The following ITGA6 variants were observed in gnomAD, a reference collection of about 807,000 sequenced individuals.
ITGA6 encodes integrin alpha-6.
In ITGA6, 63 loss-of-function variants were observed where a neutral mutation model predicts 133.6. The ratio of observed to expected loss-of-function variants is 0.47; its 90% CI spans 0.38 to 0.58. The LOEUF (loss-of-function observed/expected upper bound fraction) is 0.58, where lower values mean the gene tolerates loss of function less well. Among genes scored for constraint, ITGA6 ranks in the 20% least tolerant of loss-of-function variants. The pLI is 0.00. For missense variants in ITGA6, 1,068 were observed against 1,309.4 expected (o/e 0.82, Z 2.85); for synonymous variants, 434 against 482.0 (o/e 0.90, Z 1.30).
At chr2:172,468,855 C>A in intron 3 of ITGA6, 1 of 393,084 alleles carries the variant, frequency 2.5e-6, no homozygotes, top group South Asian at 3.1e-5. Context: ...AAATAAATTG[C>A]CTATGGATAC....
Position 172,504,609 on chromosome 2 carries a change from T to C in ITGA6, c.*541T>C. 1 of 176,256 alleles carries C rather than the reference T, an allele frequency of 5.7e-6. No homozygotes were observed. The highest frequency in any genetic ancestry group is 1.2e-5 in the Non-Finnish European group (1 of 82,688). The allele number at this position is 176,256 out of a possible 1,614,324, so 10.9% of individuals were successfully genotyped here. ...AGCTGAGGAGGCACCTACACTCACC[T>C]GCACTAACAGAGTGGCCGTCCTAAC... On this transcript the variant is annotated 3_prime_UTR_variant, in exon 26 of 26. Transcript: ENST00000684293.
At chr2:172,436,171 G>A (rs1004491601) in intron 1 of ITGA6, among the ~76,000 whole-genome samples, 1 of 152,178 alleles carries the variant, frequency 6.6e-6, no homozygotes, top group African/African-American at 2.4e-5. Context: ...AGAGAGATGG[G>A]TCTGGGCACT....
Position 172,487,609 on chromosome 2 carries a change from T to C in ITGA6, c.2223T>C (p.Asn741=). 6.2e-7 allele frequency: 1 copy of C among 1,614,152 alleles called. No individual in the cohort carries two copies. The highest frequency in any genetic ancestry group is 8.5e-7 in the Non-Finnish European group (1 of 1,179,996). ...CGCAAGCTGACTGTGAGCTCGGAAA[T>C]CCTTTTAAAAGAAATTCAAATGTAG... is the stretch of plus-strand genomic sequence containing the variant. ...NGSQADCELG[N]PFKRNSNVTF... is the part of the protein sequence containing the mutation. Residue 741 remains asparagine, a synonymous_variant, in exon 16 of 26, where the codon AAT becomes AAC. Coordinates refer to ENST00000684293, the MANE Select transcript of ITGA6 (RefSeq NM_000210.4).
intron 1 of ITGA6, among the ~76,000 whole-genome samples, chr2:172,444,650 GA>G (rs1684681128): frequency 7.9e-6 from 1 of 126,280 alleles, no homozygotes; most frequent in East Asian, 2.4e-4. Context: ...AAGCATTTCA[GA>G]AAAATGATAC....
In ITGA6 at chr2:172,485,051, A is replaced by G. The variant is rs1381709332; in HGVS notation, c.1711-70A>G. 3.1e-6 allele frequency: 5 copies of G among 1,594,330 alleles called. No individual in the cohort carries two copies. In the African/African-American group the frequency reaches 6.7e-5, roughly 21 times the overall value. ...TCTGGCAACCTCTTAATCAATACAA[A>G]ATCATTGTTTTGGAATTCCCCAATA... is the stretch of plus-strand genomic sequence containing the variant. On this transcript the variant is annotated intron_variant, in intron 12 of 25. Coordinates refer to ENST00000684293, the MANE Select transcript of ITGA6 (RefSeq NM_000210.4).
chr2:172,482,613 T>C (rs1410985203), intron 11 of ITGA6, among the ~76,000 whole-genome samples: 1 of 89,278 alleles, frequency 1.1e-5, no homozygotes, highest in African/African-American at 6.2e-5. Flanking sequence ...CCTCCCATAC[T>C]TTTGCTGTGA....
intron 1 of ITGA6, among the ~76,000 whole-genome samples, chr2:172,463,302 T>A (rs1438612463): frequency 1.3e-5 from 2 of 152,168 alleles, no homozygotes; most frequent in Non-Finnish European, 2.9e-5. Context: ...AGACACACAG[T>A]TAAGACAATG....
In ITGA6 at chr2:172,465,561, G is replaced by A. The variant is rs1353717930; in HGVS notation, c.205G>A (p.Ala69Thr). The change falls in exon 2 of 26, where the codon GCA (alanine) becomes ACA (threonine). Residue 69 changes from alanine to threonine, a missense_variant. Transcript: ENST00000684293. ...KRLLLVGAPR[A>T]EALPLQRANR... ...CAGGTTGCTCGTGGGGGCCCCGCGG[G>A]CAGAAGCGCTTCCACTGCAGAGAGC... 2 of 1,614,234 alleles carry A rather than the reference G, an allele frequency of 1.2e-6. No individual in the cohort carries two copies. Among genetic ancestry groups the A allele is most frequent in the Non-Finnish European group, 1.7e-6 (2 of 1,180,044 alleles).
chr2:172,479,852 G>C, intron 10 of ITGA6, 113 bp downstream of exon 10: 1 of 1,134,988 alleles, frequency 8.8e-7, no homozygotes, highest in Non-Finnish European at 1.3e-6. Flanking sequence ...TGGGCAAAGG[G>C]AAGAGGGTCT....
chr2:172,465,499 T>C, intron 1 of ITGA6, 40 bp from the exon 2 acceptor site: 1 of 1,612,904 alleles, frequency 6.2e-7, no homozygotes, highest in East Asian at 2.2e-5. Context: ...TAAACGTATA[T>C]TAAATTCAAA....
At chr2:172,470,204 T>A (rs1268102279) in intron 4 of ITGA6, among the ~76,000 whole-genome samples, 1 of 152,218 alleles carries the variant, frequency 6.6e-6, no homozygotes, top group Non-Finnish European at 1.5e-5. Context: ...AAATGACTCT[T>A]GAACACCTTT....
chr2:172,503,956 TAAAAG>T (rs1687453910), intron 25 of ITGA6, 130 bp from the exon 26 acceptor site: 4 of 601,896 alleles, frequency 6.6e-6, no homozygotes, highest in South Asian at 9.6e-5. Context: ...GGTTCTTTCT[TAAAAG>T]AAAACCATGT....
At chr2:172,434,385 A>G (rs1684230568) in intron 1 of ITGA6, among the ~76,000 whole-genome samples, 1 of 152,158 alleles carries the variant, frequency 6.6e-6, no homozygotes, top group African/African-American at 2.4e-5. Context: ...CAAATCTGCT[A>G]TCTGGCTTTT....
intron 1 of ITGA6, 133 bp from the exon 2 acceptor site, chr2:172,465,406 C>CA (rs1408017499): frequency 9.4e-6 from 10 of 1,066,354 alleles, no homozygotes; most frequent in Non-Finnish European, 1.4e-5. Flanking sequence ...TGTTCTCACT[C>CA]ACTGCCTAAG....
Position 172,485,472 on chromosome 2 carries a change from C to T in ITGA6, c.1854+208C>T, listed in dbSNP as rs576335886. On this transcript the variant is annotated intron_variant, in intron 13 of 25. Transcript: ENST00000684293. ...CATGAAATACAATTTGGGGCCAGAG[C>T]GTATTTTCCTTCTTCATTTTTGGCC... is the stretch of plus-strand genomic sequence containing the variant. 2.6e-5 allele frequency among the ~76,000 whole-genome samples: 4 copies of T among 152,254 alleles called. No individual in the cohort carries two copies. The South Asian group carries it at 6.2e-4, about 24-fold the overall frequency.
At position 172,499,300 on chromosome 2, in the gene ITGA6, G is replaced by A. The variant is rs115040272; in HGVS notation, c.3114+1200G>A. ...TTACCTCTAATGTTTACCTCGGGCA[G>A]TAGGTTCCTCTGGCACACACAGCCA... On this transcript the variant is annotated intron_variant, in intron 24 of 25. Coordinates refer to ENST00000684293, the MANE Select transcript of ITGA6 (RefSeq NM_000210.4). Among the ~76,000 whole-genome samples, 730 of 152,252 alleles carry A rather than the reference G, an allele frequency of 4.8e-3. 2 individuals are homozygous for A. Among genetic ancestry groups the A allele is most frequent in the Non-Finnish European group, 8.2e-3 (561 of 68,022 alleles).
chr2:172,437,985 T>TGG (rs1684394201), intron 1 of ITGA6, among the ~76,000 whole-genome samples: 1 of 151,564 alleles, frequency 6.6e-6, no homozygotes, highest in Non-Finnish European at 1.5e-5. Context: ...AGAGCACTGA[T>TGG]GGGGAGGAGT....
chr2:172,436,836 G>A (rs1053210078), intron 1 of ITGA6, among the ~76,000 whole-genome samples: 3 of 152,164 alleles, frequency 2.0e-5, no homozygotes, highest in Admixed American at 2.0e-4. Context: ...GTTCTGATCG[G>A]GGAGACAAAC....
At chr2:172,468,914 G>T in intron 3 of ITGA6, 1 of 553,848 alleles carries the variant, frequency 1.8e-6, no homozygotes, top group Non-Finnish European at 3.2e-6. Flanking sequence ...GTGAGAATAA[G>T]GCACATTCTA....
Sources: gnomAD v4.1 joint callset for allele counts (sites outside exome capture counted in the v4.1 genomes callset) on GRCh38, gnomAD v4.1.1 for gene constraint, MANE v1.5 for transcripts, NCBI Gene and HGNC (gene_info 2026-07-23, HGNC 2026-07-21) for gene names.